TRIP11: variants seen among roughly 807,000 people sequenced by gnomAD.
TRIP11 encodes thyroid hormone receptor interactor 11.
In TRIP11, 148 loss-of-function variants were observed where a neutral mutation model predicts 223.1. The observed-to-expected ratio is 0.66, with a 90% CI of 0.58 to 0.76. The LOEUF (loss-of-function observed/expected upper bound fraction) is 0.76, where lower values mean the gene tolerates loss of function less well. TRIP11 is among the 30% of genes least tolerant of loss of function. TRIP11 has a pLI of 0.00. For synonymous variants in TRIP11, 762 were observed against 772.6 expected (o/e 0.99, Z 0.23); for missense variants, 2,043 against 2,222.0 (o/e 0.92, Z 1.62).
At chr14:91,970,376 G>A (rs1226977068) in intron 20 of TRIP11, among the ~76,000 whole-genome samples, 1 of 151,850 alleles carries the variant, frequency 6.6e-6, no homozygotes, top group Non-Finnish European at 1.5e-5. Flanking sequence ...TCGCACCACT[G>A]CACTCCAGCC....
intron 16 of TRIP11, chr14:91,977,126 C>A (rs981707291): frequency 5.0e-6 from 2 of 403,388 alleles, no homozygotes; most frequent in East Asian, 1.5e-4. Context: ...TGCCACAAAC[C>A]TTTTCCTTTG....
chr14:92,026,995 G>A (rs566476191), intron 2 of TRIP11: 132 of 761,348 alleles, frequency 1.7e-4, no homozygotes, highest in Admixed American at 1.3e-3. Flanking sequence ...AGAGAGGCCC[G>A]CCCGCCCACC....
At chr14:91,972,888 A>T (rs764589330) in intron 19 of TRIP11, 27 bp from the exon 20 acceptor site, 1 of 1,573,758 alleles carries the variant, frequency 6.4e-7, no homozygotes, top group South Asian at 1.1e-5. Context: ...TGGTTATATT[A>T]GGCTAGATAA....
At chr14:91,999,154 A>G (rs1412408066) in intron 13 of TRIP11, 86 bp downstream of exon 13, 13 of 1,412,466 alleles carry the variant, frequency 9.2e-6, no homozygotes, top group Non-Finnish European at 1.3e-5. Context: ...TTTTGCAAGG[A>G]TGAGCTAACA....
chr14:92,026,732 G>A, intron 2 of TRIP11: 4 of 1,040,820 alleles, frequency 3.8e-6, no homozygotes, highest in East Asian at 2.4e-5. Context: ...GAAGAAGGTG[G>A]GGAGGAAGAG....
At position 92,011,605 on chromosome 14, in the gene TRIP11, A is replaced by T. The variant is rs530561870; in HGVS notation, c.1227+150T>A. On this transcript the variant is annotated intron_variant, in intron 8 of 20. Coordinates refer to ENST00000267622, the MANE Select transcript of TRIP11 (RefSeq NM_004239.4). ...ACTTCCTTATTATGCTTGGAAAAAT[A>T]TAAAAATATATTTACAAAATAACTT... 3.4e-5 allele frequency: 23 copies of T among 681,172 alleles called. No homozygotes were observed. In the African/African-American group the frequency reaches 4.0e-4, roughly 12 times the overall value. The allele number at this position is 681,172 out of a possible 1,614,324, so 42.2% of individuals were successfully genotyped here.
chr14:92,033,367 G>A, intron 1 of TRIP11, 114 bp from the exon 2 acceptor site: 1 of 801,052 alleles, frequency 1.2e-6, no homozygotes, highest in Non-Finnish European at 2.1e-6. Context: ...AGGCTGATAT[G>A]AAAGCATTCA....
chr14:92,007,571 C>T, intron 10 of TRIP11, 69 bp downstream of exon 10: 6 of 1,510,916 alleles, frequency 4.0e-6, no homozygotes, highest in South Asian at 1.1e-5. Context: ...AATTAAATCA[C>T]ACCCACCATT....
chr14:92,000,930 G>A (rs975765190), intron 11 of TRIP11, among the ~76,000 whole-genome samples: 7 of 150,414 alleles, frequency 4.7e-5, no homozygotes, highest in African/African-American at 1.5e-4. Flanking sequence ...GCGCGATCTC[G>A]GTTCACTGCA....
chr14:91,995,910 CT>C (rs57486693), intron 13 of TRIP11, among the ~76,000 whole-genome samples: 24,058 of 152,174 alleles, frequency 0.16, 2,503 homozygotes, highest in African/African-American at 0.3. Flanking sequence ...GCCACCGCCC[CT>C]GGCCTCTTAT....
At chr14:91,971,745 T>C (rs1358963102) in intron 20 of TRIP11, among the ~76,000 whole-genome samples, 2 of 152,172 alleles carry the variant, frequency 1.3e-5, no homozygotes, top group African/African-American at 4.8e-5. Context: ...GATAAAGTTA[T>C]GACTTTTCAC....
chr14:92,027,488 T>C (rs1199075722), intron 2 of TRIP11, among the ~76,000 whole-genome samples: 5 of 152,184 alleles, frequency 3.3e-5, no homozygotes, highest in Admixed American at 2.6e-4. Context: ...GTTTATTTTT[T>C]TTGGCCTGTC....
At chr14:92,033,964 A>C (rs1337948119) in intron 1 of TRIP11, among the ~76,000 whole-genome samples, 1 of 152,176 alleles carries the variant, frequency 6.6e-6, no homozygotes, top group Non-Finnish European at 1.5e-5. Flanking sequence ...CCACTGCTTT[A>C]CTGGGGCCCA....
rs1477416409 is a variant in TRIP11, at chr14:91,967,131, A to G, written c.*2542T>C. On this transcript the variant is annotated 3_prime_UTR_variant, in exon 21 of 21. Coordinates refer to ENST00000267622, the MANE Select transcript of TRIP11 (RefSeq NM_004239.4). ...TGACACAATGAAAACATTAGGTACTATAGCTTTTTTTTTTTTTTTTTTTTT... is the reference window on the plus strand; with the variant it reads ...TGACACAATGAAAACATTAGGTACTGTAGCTTTTTTTTTTTTTTTTTTTTT... The G allele has an allele frequency of 8.0e-6, 1 of 124,576 alleles. No individual in the cohort carries two copies. Among genetic ancestry groups the G allele is most frequent in the Non-Finnish European group, 1.6e-5 (1 of 62,714 alleles). 7.7% of individuals were successfully genotyped at this position (124,576 alleles called of 1,614,324 possible).
At chr14:91,987,238 T>G (rs1244504458) in intron 16 of TRIP11, among the ~76,000 whole-genome samples, 1 of 152,190 alleles carries the variant, frequency 6.6e-6, no homozygotes, top group Admixed American at 6.5e-5. Context: ...GACTTTTGGT[T>G]TGGCAGTAAC....
chr14:92,021,515 T>C, intron 4 of TRIP11, 41 bp downstream of exon 4: 1 of 1,608,050 alleles, frequency 6.2e-7, no homozygotes, highest in African/African-American at 1.3e-5. Context: ...ACCAGTAATT[T>C]TACTCAAAGT....
chr14:91,995,273 T>G, intron 14 of TRIP11, 79 bp downstream of exon 14: 1 of 1,567,954 alleles, frequency 6.4e-7, no homozygotes, highest in Non-Finnish European at 8.7e-7. Flanking sequence ...CCGTGCCTCA[T>G]CTAAAATAGC....
chr14:91,976,689 T>G (rs1328402920), intron 16 of TRIP11, among the ~76,000 whole-genome samples: 1 of 152,168 alleles, frequency 6.6e-6, no homozygotes, highest in Non-Finnish European at 1.5e-5. Flanking sequence ...CAAACTATTA[T>G]GGGGGTAAGG....
intron 16 of TRIP11, among the ~76,000 whole-genome samples, chr14:91,986,441 GCAT>G (rs1203981290): frequency 6.6e-6 from 1 of 152,068 alleles, no homozygotes; most frequent in African/African-American, 2.4e-5. Flanking sequence ...TTTCATTTGA[GCAT>G]CATGTCACCT....
Sources: allele counts gnomAD v4.1 joint callset (sites outside exome capture counted in the v4.1 genomes callset), GRCh38; gene constraint gnomAD v4.1.1; transcripts MANE v1.5; gene names NCBI Gene and HGNC (gene_info 2026-07-23, HGNC 2026-07-21).